The following MEGF11 variants were observed in gnomAD, a reference collection of about 807,000 sequenced individuals.
MEGF11 encodes multiple EGF like domains 11, also known as multiple epidermal growth factor-like domains protein 11.
MEGF11 carries 126 observed loss-of-function variants against 146.6 expected under a neutral mutation model. The ratio of observed to expected loss-of-function variants is 0.86; its 90% CI spans 0.74 to 1.00. The LOEUF is 1.00. Ranked by LOEUF, MEGF11 falls within the 50% of genes least tolerant of loss-of-function variation. The pLI is 0.00. For synonymous variants in MEGF11, 532 were observed against 583.4 expected (o/e 0.91, Z 1.27); for missense variants, 1,509 against 1,521.2 (o/e 0.99, Z 0.13).
At chr15:66,126,266 CT>C (rs1256395615) in intron 2 of MEGF11, among the ~76,000 whole-genome samples, 1 of 152,158 alleles carries the variant, frequency 6.6e-6, no homozygotes, top group Non-Finnish European at 1.5e-5. Flanking sequence ...TACAATGGAG[CT>C]CAGCTGGAAA....
intron 4 of MEGF11, among the ~76,000 whole-genome samples, chr15:66,114,855 G>GA (rs1466131432): frequency 5.3e-5 from 8 of 152,200 alleles, no homozygotes; most frequent in Non-Finnish European, 8.8e-5. Flanking sequence ...AAAGGCAGAC[G>GA]AAATTGTACA....
Position 66,119,938 on chromosome 15 carries a change from G to A in MEGF11, c.201-752C>T, listed in dbSNP as rs1654505332. The stretch of plus-strand genomic sequence containing the variant: ...CATCTCATTCCATTCCCTGGGGCAG[G>A]CACCATTACTATCCCCCTTTATTTT... On this transcript the variant is annotated intron_variant, in intron 3 of 25. Transcript: ENST00000395614. 2.6e-5 allele frequency among the ~76,000 whole-genome samples: 4 copies of A among 152,156 alleles called. No homozygotes were observed. In the South Asian group the frequency reaches 8.3e-4, roughly 32 times the overall value.
Position 66,157,050 on chromosome 15 carries a change from C to T in MEGF11, c.-8-28639G>A, listed in dbSNP as rs367615748. 5.9e-5 allele frequency among the ~76,000 whole-genome samples: 9 copies of T among 152,258 alleles called. No individual in the cohort carries two copies. In the East Asian group the frequency reaches 1.5e-3, roughly 26 times the overall value. On this transcript the variant is annotated intron_variant, in intron 1 of 25. Transcript: ENST00000395614. ...AACCAGACCACCACTCCTCCTAAAC[C>T]CTTGAGGCTTATGACTCTCCAGCTG...
chr15:66,246,895 A>G (rs1373566186), intron 1 of MEGF11, among the ~76,000 whole-genome samples: 1 of 152,198 alleles, frequency 6.6e-6, no homozygotes, highest in Non-Finnish European at 1.5e-5. Flanking sequence ...CAGGACTGGA[A>G]ACCAGGAATC....
At chr15:66,135,320 TG>T (rs1416428239) in intron 1 of MEGF11, among the ~76,000 whole-genome samples, 1 of 152,220 alleles carries the variant, frequency 6.6e-6, no homozygotes, top group Admixed American at 6.5e-5. Context: ...GGGAGACCCC[TG>T]GATCAGTCTT....
At chr15:66,232,354 C>G (rs892224376) in intron 1 of MEGF11, among the ~76,000 whole-genome samples, 1 of 152,236 alleles carries the variant, frequency 6.6e-6, no homozygotes, top group Admixed American at 6.5e-5. Context: ...CTTTTACCTA[C>G]AGCTGGACCG....
At chr15:65,917,842 T>G in intron 16 of MEGF11, 124 bp downstream of exon 16, 12 of 1,140,174 alleles carry the variant, frequency 1.1e-5, no homozygotes, top group Non-Finnish European at 1.5e-5. Context: ...GGCTCATTCC[T>G]ACATGCAGAA....
chr15:66,061,446 G>A (rs935251288), intron 5 of MEGF11, among the ~76,000 whole-genome samples: 1 of 149,048 alleles, frequency 6.7e-6, no homozygotes, highest in Non-Finnish European at 1.5e-5. Context: ...CTTGAGTGTG[G>A]GGCATGGCTC....
intron 1 of MEGF11, among the ~76,000 whole-genome samples, chr15:66,218,402 A>T (rs1181949297): frequency 6.6e-6 from 1 of 152,194 alleles, no homozygotes; most frequent in African/African-American, 2.4e-5. Flanking sequence ...AACAAGAGTC[A>T]TCATGCTCTA....
chr15:66,134,300 A>T (rs370565085), intron 1 of MEGF11, among the ~76,000 whole-genome samples: 11 of 152,298 alleles, frequency 7.2e-5, no homozygotes, highest in African/African-American at 2.4e-4. Context: ...AGCAGGCAGC[A>T]TCTGCACCCC....
chr15:66,123,870 C>G, intron 3 of MEGF11, 29 bp downstream of exon 3: 2 of 1,587,088 alleles, frequency 1.3e-6, no homozygotes, highest in Non-Finnish European at 1.7e-6. Flanking sequence ...TGCCTTTTCC[C>G]TGCCCCATCA....
chr15:66,036,317 A>G (rs2083724409), intron 5 of MEGF11, among the ~76,000 whole-genome samples: 1 of 152,198 alleles, frequency 6.6e-6, no homozygotes, highest in Admixed American at 6.5e-5. Context: ...TCTCCCTCCC[A>G]AAGAAGCTCC....
intron 16 of MEGF11, 53 bp downstream of exon 16, chr15:65,917,913 G>A: frequency 1.9e-6 from 3 of 1,610,992 alleles, no homozygotes; most frequent in Non-Finnish European, 2.5e-6. Flanking sequence ...AACAAAGGGA[G>A]AATTTTTGGG....
At chr15:66,153,939 C>T (rs116118064) in intron 1 of MEGF11, among the ~76,000 whole-genome samples, 365 of 152,350 alleles carry the variant, frequency 2.4e-3, no homozygotes, top group Middle Eastern at 0.014. Flanking sequence ...CTCATCCCCC[C>T]ACTGGCTGGC....
intron 5 of MEGF11, among the ~76,000 whole-genome samples, chr15:66,008,411 GCACA>G (rs995843726): frequency 1.0e-3 from 53 of 52,108 alleles, no homozygotes; most frequent in African/African-American, 2.3e-3. Flanking sequence ...ACGCGCGCGC[GCACA>G]CACACACACA....
At chr15:65,923,907 G>T (rs989663847) in intron 13 of MEGF11, among the ~76,000 whole-genome samples, 1 of 152,162 alleles carries the variant, frequency 6.6e-6, no homozygotes, top group Non-Finnish European at 1.5e-5. Flanking sequence ...AGGCAGAAAG[G>T]CTTCCAGTCT....
At chr15:66,212,842 G>T (rs1193598154) in intron 1 of MEGF11, among the ~76,000 whole-genome samples, 1 of 152,236 alleles carries the variant, frequency 6.6e-6, no homozygotes, top group Non-Finnish European at 1.5e-5. Context: ...CAAGTTGAAG[G>T]CTCCAGCAGT....
At chr15:66,218,433 T>G (rs981856372) in intron 1 of MEGF11, among the ~76,000 whole-genome samples, 2 of 152,146 alleles carry the variant, frequency 1.3e-5, no homozygotes, top group Non-Finnish European at 2.9e-5. Flanking sequence ...AAGAGACCCC[T>G]GCAATCTGTC....
intron 5 of MEGF11, among the ~76,000 whole-genome samples, chr15:66,075,003 T>C (rs766813407): frequency 2.0e-5 from 3 of 152,230 alleles, no homozygotes; most frequent in Non-Finnish European, 2.9e-5. Context: ...TTTCATCTTA[T>C]TGATTTGTAG....
Sources: allele counts gnomAD v4.1 joint callset (sites outside exome capture counted in the v4.1 genomes callset), GRCh38; gene constraint gnomAD v4.1.1; transcripts MANE v1.5; gene names NCBI Gene and HGNC (gene_info 2026-07-23, HGNC 2026-07-21).